HMBOX1: variants seen among roughly 807,000 people sequenced by gnomAD.
HMBOX1 encodes homeobox-containing protein 1.
A neutral mutation model predicts 54.5 loss-of-function variants in HMBOX1; 14 were observed. The observed-to-expected ratio is 0.26, with a 90% CI of 0.17 to 0.40. The LOEUF is 0.40. Among genes scored for constraint, HMBOX1 ranks in the 10% least tolerant of loss-of-function variants. The probability of loss-of-function intolerance (pLI) is 1.00; values close to 1 mark genes in which losing one functional copy is unlikely to be tolerated. For missense variants in HMBOX1, 332 were observed against 514.4 expected (o/e 0.65, Z 3.43); for synonymous variants, 160 against 181.0 (o/e 0.88, Z 0.93).
intron 1 of HMBOX1, among the ~76,000 whole-genome samples, chr8:28,953,265 C>T (rs933120258): frequency 6.6e-6 from 1 of 152,200 alleles, no homozygotes; most frequent in African/African-American, 2.4e-5. Flanking sequence ...CACCAACCAT[C>T]CTTCACCCCA....
chr8:28,986,316 G>A (rs76324938), intron 4 of HMBOX1, among the ~76,000 whole-genome samples: 3,030 of 152,218 alleles, frequency 0.02, 54 homozygotes, highest in Non-Finnish European at 0.031. Flanking sequence ...TTCACCTACT[G>A]GATAGCATCT....
chr8:29,003,154 G>T (rs889898893), intron 4 of HMBOX1, among the ~76,000 whole-genome samples: 1 of 151,412 alleles, frequency 6.6e-6, no homozygotes, highest in Non-Finnish European at 1.5e-5. Flanking sequence ...GGACAGTTAG[G>T]TGACATTTGT....
At chr8:29,007,289 CA>C (rs1160744067) in intron 4 of HMBOX1, among the ~76,000 whole-genome samples, 2 of 149,082 alleles carry the variant, frequency 1.3e-5, no homozygotes, top group East Asian at 2.0e-4. Context: ...ACTCTGTTTC[CA>C]AAAAAATACA....
At chr8:28,951,965 A>G (rs1823495724) in intron 1 of HMBOX1, among the ~76,000 whole-genome samples, 1 of 152,104 alleles carries the variant, frequency 6.6e-6, no homozygotes, top group Admixed American at 6.5e-5. Flanking sequence ...CCCGATCAGG[A>G]GTTTGAGACC....
chr8:29,012,963 C>G (rs1311092205), intron 5 of HMBOX1, among the ~76,000 whole-genome samples: 2 of 151,946 alleles, frequency 1.3e-5, no homozygotes, highest in Non-Finnish European at 2.9e-5. Flanking sequence ...AGTGTGATCC[C>G]TTTACATATA....
At chr8:29,002,306 GGA>G (rs1832780237) in intron 4 of HMBOX1, among the ~76,000 whole-genome samples, 2 of 152,198 alleles carry the variant, frequency 1.3e-5, no homozygotes, top group South Asian at 4.1e-4. Context: ...TGGGGCAGTG[GGA>G]GAGAGGGAGA....
chr8:29,005,681 A>G (rs1833348319), intron 4 of HMBOX1, among the ~76,000 whole-genome samples: 1 of 152,214 alleles, frequency 6.6e-6, no homozygotes, highest in Non-Finnish European at 1.5e-5. Context: ...ATAAAGAGCA[A>G]TGCTGGTCAC....
Position 28,953,377 on chromosome 8 carries a change from C to G in HMBOX1, c.-57-10434C>G, listed in dbSNP as rs936441396. Among the ~76,000 whole-genome samples, 6 of 151,872 alleles carry G rather than the reference C, an allele frequency of 4.0e-5. No individual in the cohort carries two copies. In the Admixed American group the frequency reaches 4.0e-4, roughly 10 times the overall value. The stretch of plus-strand genomic sequence containing the variant: ...AAACTGTTTGGCATGAGTGCAACAC[C>G]TTCTGATTAACTTCCTAAAAGGTAA... On this transcript the variant is annotated intron_variant, in intron 1 of 9. Coordinates refer to ENST00000287701, the MANE Select transcript of HMBOX1 (RefSeq NM_001135726.3).
intron 1 of HMBOX1, among the ~76,000 whole-genome samples, chr8:28,956,679 T>G (rs1245949000): frequency 6.6e-6 from 1 of 152,222 alleles, no homozygotes; most frequent in South Asian, 2.1e-4. Context: ...GTGTGTGCGT[T>G]TCTATGCCAG....
At chr8:29,018,962 A>G (rs768392187) in intron 6 of HMBOX1, 49 bp downstream of exon 6, 1 of 1,574,404 alleles carries the variant, frequency 6.4e-7, no homozygotes, top group South Asian at 1.1e-5. Context: ...TAGGGAAGAC[A>G]TCAACTCTGG....
In HMBOX1 at chr8:29,018,933, A is replaced by T; in HGVS notation, c.851+20A>T. On this transcript the variant is annotated intron_variant, in intron 6 of 9. Coordinates refer to ENST00000287701, the MANE Select transcript of HMBOX1 (RefSeq NM_001135726.3). ...GGAAAGGTATGTGTCTCCTTTTTCTACGAATGATCTCCCAAACTTAGGGAA... is the reference window on the plus strand; with the variant it reads ...GGAAAGGTATGTGTCTCCTTTTTCTTCGAATGATCTCCCAAACTTAGGGAA... 1 of 1,612,502 alleles carries T rather than the reference A, an allele frequency of 6.2e-7. No individual in the cohort carries two copies. Among genetic ancestry groups the T allele is most frequent in the Non-Finnish European group, 8.5e-7 (1 of 1,178,646 alleles).
chr8:29,032,526 A>C (rs1803162738), intron 6 of HMBOX1, among the ~76,000 whole-genome samples: 1 of 152,210 alleles, frequency 6.6e-6, no homozygotes, highest in East Asian at 1.9e-4. Context: ...AAAAATTATA[A>C]AATTCAGTTT....
At chr8:28,905,983 A>G (rs962456067) in intron 1 of HMBOX1, among the ~76,000 whole-genome samples, 2 of 152,240 alleles carry the variant, frequency 1.3e-5, no homozygotes, top group African/African-American at 4.8e-5. Context: ...TATATGCATA[A>G]TTTTGGCTAC....
chr8:28,953,290 C>T (rs1042247903), intron 1 of HMBOX1, among the ~76,000 whole-genome samples: 1 of 152,298 alleles, frequency 6.6e-6, no homozygotes, highest in South Asian at 2.1e-4. Flanking sequence ...CTCCATGTGT[C>T]TGTCTCTCAA....
At chr8:29,037,161 G>T (rs185020847) in intron 6 of HMBOX1, among the ~76,000 whole-genome samples, 184 of 152,292 alleles carry the variant, frequency 1.2e-3, no homozygotes, top group African/African-American at 4.2e-3. Flanking sequence ...CTGAAAGGTT[G>T]ATATGGACAG....
intron 1 of HMBOX1, among the ~76,000 whole-genome samples, chr8:28,927,141 T>G (rs1261514802): frequency 2.0e-5 from 3 of 152,054 alleles, no homozygotes; most frequent in South Asian, 4.1e-4. Flanking sequence ...TATAATCAGA[T>G]TGCTTGAAAT....
intron 1 of HMBOX1, among the ~76,000 whole-genome samples, chr8:28,902,361 A>G (rs543902040): frequency 1.3e-5 from 2 of 152,238 alleles, no homozygotes; most frequent in Non-Finnish European, 2.9e-5. Context: ...TTCACAGTTC[A>G]TTTATTAACT....
Position 28,963,856 on chromosome 8 carries a change from C to G in HMBOX1, c.-12C>G. 6.3e-7 allele frequency: 1 copy of G among 1,598,850 alleles called. No individual in the cohort carries two copies. Among genetic ancestry groups the G allele is most frequent in the Non-Finnish European group, 8.5e-7 (1 of 1,170,586 alleles). On this transcript the variant is annotated 5_prime_UTR_variant, in exon 2 of 10. Transcript: ENST00000287701. Reference sequence around the variant, plus strand: ...ATCTCTGGAAAGGATATTGATCCGCCTCATGTAAAGTATGCTTAGTTCCTT... The same window carrying G: ...ATCTCTGGAAAGGATATTGATCCGCGTCATGTAAAGTATGCTTAGTTCCTT...
chr8:28,964,639 C>A (rs1002294490), intron 2 of HMBOX1, among the ~76,000 whole-genome samples: 4 of 152,094 alleles, frequency 2.6e-5, no homozygotes, highest in Non-Finnish European at 4.4e-5. Flanking sequence ...TAAATTCCTT[C>A]CGTTTTGGTT....
Sources: allele counts gnomAD v4.1 joint callset (sites outside exome capture counted in the v4.1 genomes callset), GRCh38; gene constraint gnomAD v4.1.1; transcripts MANE v1.5; gene names NCBI Gene and HGNC (gene_info 2026-07-23, HGNC 2026-07-21).